BRSK2: variants seen among roughly 807,000 people sequenced by gnomAD.
BRSK2 encodes BR serine/threonine kinase 2.
A neutral mutation model predicts 83.3 loss-of-function variants in BRSK2; 19 were observed. The ratio of observed to expected loss-of-function variants is 0.23; its 90% CI spans 0.16 to 0.33. The LOEUF (loss-of-function observed/expected upper bound fraction) is 0.33, where lower values mean the gene tolerates loss of function less well. Ranked by LOEUF, BRSK2 falls within the 10% of genes least tolerant of loss-of-function variation. BRSK2 has a pLI of 1.00. For missense variants in BRSK2, 798 were observed against 1,042.3 expected (o/e 0.77, Z 3.23); for synonymous variants, 519 against 435.4 (o/e 1.19, Z -2.39).
chr11:1,411,470 C>A (rs554935943), intron 1 of BRSK2: 3 of 1,474,554 alleles, frequency 2.0e-6, no homozygotes. Context: ...GTCCTTCCTC[C>A]CTCTGCTCCC....
Position 1,438,317 on chromosome 11 carries a change from G to A in BRSK2, c.198G>A (p.Glu66=). Reference sequence around the variant, plus strand: ...CCTCTCCCATGCAGGTGGAGCGGGAGATCGCGATCCTGAAGCTCATTGAGC... The same window carrying A: ...CCTCTCCCATGCAGGTGGAGCGGGAAATCGCGATCCTGAAGCTCATTGAGC... The part of the protein sequence containing the change: ...SESVLMKVER[E]IAILKLIEHP... The change falls in exon 3 of 20, where the codon GAG becomes GAA. Residue 66 remains glutamate, a synonymous_variant. Transcript: ENST00000528841. The surrounding 1 kb of genome is among the most constrained non-coding windows in gnomAD (Gnocchi z 6.4). 1 of 1,614,066 alleles carries A rather than the reference G, an allele frequency of 6.2e-7. No homozygotes were observed. Among genetic ancestry groups the A allele is most frequent in the Non-Finnish European group, 8.5e-7 (1 of 1,179,952 alleles).
At chr11:1,402,138 C>T (rs575895312) in intron 1 of BRSK2, among the ~76,000 whole-genome samples, 10 of 152,290 alleles carry the variant, frequency 6.6e-5, no homozygotes, top group Admixed American at 3.9e-4. Context: ...GTGTGGGTGC[C>T]GGAGAGCAGG....
At chr11:1,446,050 G>GGGCTGGGCTGGGCTGGGCTT (rs1482878582) in intron 12 of BRSK2, 143 bp downstream of exon 12, 158 of 382,566 alleles carry the variant, frequency 4.1e-4, no homozygotes, top group African/African-American at 1.3e-3. Flanking sequence ...GGGCTTAGCT[G>GGGCTGGGCTGGGCTGGGCTT]GGCTGGGCTG....
chr11:1,396,585 C>T (rs1292484586), intron 1 of BRSK2, among the ~76,000 whole-genome samples: 2 of 152,232 alleles, frequency 1.3e-5, no homozygotes, highest in Non-Finnish European at 2.9e-5. Flanking sequence ...CGGCCACTGG[C>T]GCTCAGGAGG....
In BRSK2 at chr11:1,443,394, C is replaced by T. The variant is rs1373534059; in HGVS notation, c.624C>T (p.Ala208=). 6.2e-7 allele frequency: 1 copy of T among 1,604,664 alleles called. No individual in the cohort carries two copies. The highest frequency in any genetic ancestry group is 8.5e-7 in the Non-Finnish European group (1 of 1,176,452). ...GGAGCTGCGGCGTCATCCTGTTCGC[C>T]TTGCTGGTGGTGAGACCCTGGCCCC... The part of the protein sequence containing the change: ...DVWSCGVILF[A]LLVGALPFDD... The change falls in exon 7 of 20, where the codon GCC becomes GCT. Residue 208 remains alanine (A), a synonymous_variant. Transcript: ENST00000528841.
intron 1 of BRSK2, among the ~76,000 whole-genome samples, chr11:1,428,387 C>G (rs1849499954): frequency 6.6e-6 from 1 of 152,230 alleles, no homozygotes; most frequent in South Asian, 2.1e-4. Context: ...AAGGTGGGTG[C>G]TTGCCAGGAA....
intron 4 of BRSK2, 48 bp downstream of exon 4, chr11:1,440,976 C>G: frequency 6.4e-7 from 1 of 1,562,106 alleles, no homozygotes; most frequent in South Asian, 1.1e-5. Context: ...ACCCCCACAC[C>G]CAGTGCGCTA....
Position 1,456,338 on chromosome 11 carries a change from C to G in BRSK2, c.1669-10C>G, listed in dbSNP as rs1461920985. 3 of 1,550,636 alleles carry G rather than the reference C, an allele frequency of 1.9e-6. No individual in the cohort carries two copies. Among genetic ancestry groups the G allele is most frequent in the East Asian group, 2.4e-5 (1 of 41,218 alleles). Reference sequence around the variant, plus strand: ...AGGCCAGCCACGCTCACGCTGCTCTCTCTCCACAGATTCCCAGTCTCAGCC... The same window carrying G: ...AGGCCAGCCACGCTCACGCTGCTCTGTCTCCACAGATTCCCAGTCTCAGCC... On this transcript the variant is annotated splice_polypyrimidine_tract_variant and intron_variant, in intron 16 of 19. Transcript: ENST00000528841.
In BRSK2 at chr11:1,460,733, C is replaced by CCA; in HGVS notation, c.*11_*12insAC. ...CCGCGAGCAGCCTTAGACACACTAGCCCCCCCCCCCAGCACAGCACTGACA... is the reference window on the plus strand; with the variant it reads ...CCGCGAGCAGCCTTAGACACACTAGCCACCCCCCCCCCAGCACAGCACTGACA... On this transcript the variant is annotated 3_prime_UTR_variant, in exon 20 of 20. Coordinates refer to ENST00000528841, the MANE Select transcript of BRSK2 (RefSeq NM_001256627.2). 4.8e-5 allele frequency: 5 copies of CCA among 103,394 alleles called. No homozygotes were observed. The highest frequency in any genetic ancestry group is 5.1e-5 in the Non-Finnish European group (4 of 77,824). The allele number at this position is 103,394 out of a possible 1,614,324, so 6.4% of individuals were successfully genotyped here. A position where few individuals can be genotyped will look rare whatever the true frequency, so the allele number is the denominator to read the frequency against.
At chr11:1,448,756 C>T (rs897058659) in intron 12 of BRSK2, among the ~76,000 whole-genome samples, 11 of 152,224 alleles carry the variant, frequency 7.2e-5, no homozygotes, top group Non-Finnish European at 1.5e-4. Context: ...ATGGGGTCCC[C>T]GTCGCCTCCC....
At position 1,390,214 on chromosome 11, in the gene BRSK2, G is replaced by A. The variant is rs1406507552; in HGVS notation, c.-71G>A. 43 of 847,886 alleles carry A rather than the reference G, an allele frequency of 5.1e-5. No individual in the cohort carries two copies. The highest frequency in any genetic ancestry group is 6.4e-5 in the Admixed American group (1 of 15,636). The allele number at this position is 847,886 out of a possible 1,614,324, so 52.5% of individuals were successfully genotyped here. A position where few individuals can be genotyped will look rare whatever the true frequency, so the allele number is the denominator to read the frequency against. On this transcript the variant is annotated 5_prime_UTR_variant, in exon 1 of 20. Coordinates refer to ENST00000528841, the MANE Select transcript of BRSK2 (RefSeq NM_001256627.2). This position sits in a 1 kb window ranked among gnomAD's most constrained non-coding sequence, Gnocchi z 6.8. Reference sequence around the variant, plus strand: ...GGCGCGGACGGCACTCGGCGGACGCGGGCGGACGCTGGGCGGCCCCTCCCT... The same window carrying A: ...GGCGCGGACGGCACTCGGCGGACGCAGGCGGACGCTGGGCGGCCCCTCCCT...
At chr11:1,407,024 T>A (rs2134084217) in intron 1 of BRSK2, among the ~76,000 whole-genome samples, 1 of 152,286 alleles carries the variant, frequency 6.6e-6, no homozygotes, top group Middle Eastern at 3.4e-3. Context: ...GCACCTAGGA[T>A]GACAGGCGGA....
At chr11:1,433,200 G>C (rs1341101181) in intron 1 of BRSK2, among the ~76,000 whole-genome samples, 1 of 152,240 alleles carries the variant, frequency 6.6e-6, no homozygotes, top group Non-Finnish European at 1.5e-5. Flanking sequence ...GTGCCCTAAT[G>C]ACTCCCCTCC....
In BRSK2 at chr11:1,449,923, G is replaced by A. The variant is rs545632151; in HGVS notation, c.1287+87G>A. The A allele has an allele frequency of 6.9e-5, 73 of 1,063,852 alleles. No homozygotes were observed. The African/African-American group carries it at 7.6e-4, about 11-fold the overall frequency. 65.9% of individuals were successfully genotyped at this position (1,063,852 alleles called of 1,614,324 possible). A position where few individuals can be genotyped will look rare whatever the true frequency, so the allele number is the denominator to read the frequency against. ...CGTGTGCCAGGGTGGGGGCAGCCTCGCGGACCCTGGGAAGCAGCCCCAGGC... is the reference window on the plus strand; with the variant it reads ...CGTGTGCCAGGGTGGGGGCAGCCTCACGGACCCTGGGAAGCAGCCCCAGGC... On this transcript the variant is annotated intron_variant, in intron 13 of 19. Transcript: ENST00000528841.
At chr11:1,442,657 G>T in intron 5 of BRSK2, 51 bp downstream of exon 5, 2 of 1,471,408 alleles carry the variant, frequency 1.4e-6, no homozygotes, top group Non-Finnish European at 9.5e-7. Flanking sequence ...CTGGGCTGGG[G>T]GAAGAGGAGC....
At position 1,434,012 on chromosome 11, in the gene BRSK2, G is replaced by A. The variant is rs545965660; in HGVS notation, c.92-2028G>A. Among the ~76,000 whole-genome samples the A allele has an allele frequency of 1.7e-3, 263 of 152,374 alleles. 2 individuals are homozygous for A. The highest frequency in any genetic ancestry group is 6.1e-3 in the African/African-American group (255 of 41,590). ...AAAGGGCAAAATAAAGCTAAAAGCC[G>A]ATGGGGCCGGGGGAATGGAGGTTTG... On this transcript the variant is annotated intron_variant, in intron 1 of 19. Transcript: ENST00000528841.
In BRSK2 at chr11:1,460,739, C is replaced by CCG. The variant is rs1554922247; in HGVS notation, c.*17_*18insGC. The stretch of plus-strand genomic sequence containing the variant: ...GCAGCCTTAGACACACTAGCCCCCC[C>CCG]CCCCAGCACAGCACTGACAGCGGCT... On this transcript the variant is annotated 3_prime_UTR_variant, in exon 20 of 20. Coordinates refer to ENST00000528841, the MANE Select transcript of BRSK2 (RefSeq NM_001256627.2). 2.4e-4 allele frequency: 339 copies of CCG among 1,410,466 alleles called. 2 individuals carry two copies. The highest frequency in any genetic ancestry group is 3.0e-4 in the Non-Finnish European group (319 of 1,076,624). The allele number at this position is 1,410,466 out of a possible 1,614,324, so 87.4% of individuals were successfully genotyped here.
intron 1 of BRSK2, among the ~76,000 whole-genome samples, chr11:1,433,586 CGT>C (rs1315108603): frequency 2.0e-5 from 3 of 152,244 alleles, no homozygotes; most frequent in African/African-American, 7.2e-5. Flanking sequence ...TGCTCCTTTC[CGT>C]GTGTGGGGCT....
At chr11:1,453,498 C>T (rs763110278) in intron 15 of BRSK2, among the ~76,000 whole-genome samples, 22 of 152,224 alleles carry the variant, frequency 1.4e-4, no homozygotes, top group Admixed American at 5.2e-4. Flanking sequence ...AGGTCAGGGC[C>T]AGTGGTGGCC....
Sources: allele counts gnomAD v4.1 joint callset (sites outside exome capture counted in the v4.1 genomes callset), GRCh38; gene constraint gnomAD v4.1.1; non-coding constraint Gnocchi (gnomAD v3.1); transcripts MANE v1.5; gene names NCBI Gene and HGNC (gene_info 2026-07-23, HGNC 2026-07-21).